Variants in SLCO1B3 observed in about 807,000 individuals in gnomAD.
SLCO1B3 encodes the protein solute carrier organic anion transporter family member 1B3.
Under a neutral mutation model 71.8 loss-of-function variants are expected in SLCO1B3, and 72 were observed. The observed-to-expected ratio is 1.00, with a 90% CI of 0.83 to 1.22. SLCO1B3 has a LOEUF of 1.22. Ranked by LOEUF, SLCO1B3 falls within the 50% of genes most tolerant of loss-of-function variation. The pLI is 0.00. For synonymous variants in SLCO1B3, 298 were observed against 278.4 expected, an observed-to-expected ratio of 1.07 and a Z score of -0.70; for missense variants, 911 against 819.7, an observed-to-expected ratio of 1.11 and a Z score of -1.36.
At chr12:20,901,882 T>G in intron 15 of SLCO1B3, 1 of 437,952 alleles carries the variant, frequency 2.3e-6, no homozygotes, top group Non-Finnish European at 4.5e-6. Context: ...CAAAGTTTCA[T>G]TACTCTTCTA....
chr12:20,914,897 A>C, intron 15 of SLCO1B3, among the ~76,000 whole-genome samples: 1 of 152,128 alleles, frequency 6.6e-6, no homozygotes, highest in South Asian at 2.1e-4. Flanking sequence ...TACTCTATAA[A>C]TAAGGTTTGC....
chr12:20,904,107 G>A (rs1866184443), intron 15 of SLCO1B3, among the ~76,000 whole-genome samples: 1 of 151,958 alleles, frequency 6.6e-6, no homozygotes, highest in Non-Finnish European at 1.5e-5. Context: ...AGGCATTGTA[G>A]TGGGTGCCTG....
intron 13 of SLCO1B3, among the ~76,000 whole-genome samples, chr12:20,886,464 G>A (rs11045583): frequency 0.73 from 110,024 of 151,722 alleles, 42,436 homozygotes; most frequent in South Asian, 0.9. Flanking sequence ...TAGAAGGAGA[G>A]GACACTAAAG....
Position 20,875,215 on chromosome 12 carries a change from CT to C in SLCO1B3, c.728-16del. On this transcript the variant is annotated intron_variant, in intron 8 of 15. Coordinates refer to ENST00000381545, the MANE Select transcript of SLCO1B3 (RefSeq NM_019844.4). Reference sequence around the variant, plus strand: ...TTTCAAAACGATTTTTGACTGGCTTCTTTTAACTGTTTCTCCTAGGCACTAT... The same window carrying C: ...TTTCAAAACGATTTTTGACTGGCTTCTTTAACTGTTTCTCCTAGGCACTAT... 1 of 1,611,656 alleles carries C rather than the reference CT, an allele frequency of 6.2e-7. No homozygotes were observed. Among genetic ancestry groups the C allele is most frequent in the Non-Finnish European group, 8.5e-7 (1 of 1,179,344 alleles).
At chr12:20,821,961 G>T (rs1745850582) in intron 3 of SLCO1B3, among the ~76,000 whole-genome samples, 1 of 152,042 alleles carries the variant, frequency 6.6e-6, no homozygotes, top group Non-Finnish European at 1.5e-5. Context: ...ATTGAAGTGT[G>T]GTGTCAAGAT....
chr12:20,816,329 C>T (rs1425064542), intron 3 of SLCO1B3, among the ~76,000 whole-genome samples: 1 of 152,118 alleles, frequency 6.6e-6, no homozygotes, highest in African/African-American at 2.4e-5. Flanking sequence ...CATAAATCAT[C>T]CCCATCTTCC....
At chr12:20,842,175 T>C (rs1864817212) in intron 3 of SLCO1B3, among the ~76,000 whole-genome samples, 1 of 152,328 alleles carries the variant, frequency 6.6e-6, no homozygotes, top group South Asian at 2.1e-4. Flanking sequence ...ATTACAGGCA[T>C]GAGCCACCAT....
At chr12:20,910,991 A>T (rs1866362598) in intron 15 of SLCO1B3, among the ~76,000 whole-genome samples, 1 of 151,788 alleles carries the variant, frequency 6.6e-6, no homozygotes, top group Admixed American at 6.6e-5. Flanking sequence ...CATGTTGAAA[A>T]TTAATGGTGA....
chr12:20,834,675 G>C (rs924053392), intron 3 of SLCO1B3, among the ~76,000 whole-genome samples: 1 of 151,958 alleles, frequency 6.6e-6, no homozygotes, highest in Non-Finnish European at 1.5e-5. Flanking sequence ...CAAGAGGTGG[G>C]TCCCTCAGTC....
At chr12:20,911,910 A>T (rs570401310) in intron 15 of SLCO1B3, among the ~76,000 whole-genome samples, 1 of 151,978 alleles carries the variant, frequency 6.6e-6, no homozygotes, top group South Asian at 2.1e-4. Context: ...TTCTCCCCTC[A>T]TGTCCCATTT....
intron 3 of SLCO1B3, among the ~76,000 whole-genome samples, chr12:20,837,037 G>C (rs921636156): frequency 6.6e-6 from 1 of 152,152 alleles, no homozygotes; most frequent in Non-Finnish European, 1.5e-5. Flanking sequence ...GTAGGAGTTT[G>C]AGTAGATTGT....
rs538002197 is a variant in SLCO1B3 at position 20,871,840 on chromosome 12, C to T, written c.728-3395C>T. Among the ~76,000 whole-genome samples, 173 of 152,066 alleles carry T rather than the reference C, an allele frequency of 1.1e-3. 2 individuals carry two copies. The highest frequency in any genetic ancestry group is 2.0e-3 in the Non-Finnish European group (135 of 68,002). On this transcript the variant is annotated intron_variant, in intron 8 of 15. Coordinates refer to ENST00000381545, the MANE Select transcript of SLCO1B3 (RefSeq NM_019844.4). ...TCCTGGGTAAGACCTGAAGCCAGCACAGCACTGGGTCTTGCCCAAGGCCCT... is the reference window on the plus strand; with the variant it reads ...TCCTGGGTAAGACCTGAAGCCAGCATAGCACTGGGTCTTGCCCAAGGCCCT...
chr12:20,845,221 A>T (rs917334582), intron 3 of SLCO1B3: 6 of 454,810 alleles, frequency 1.3e-5, no homozygotes, highest in Non-Finnish European at 2.7e-5. Flanking sequence ...TACTGTTAAG[A>T]TGGTCTTGTA....
chr12:20,889,030 A>G (rs1490458261), intron 13 of SLCO1B3, among the ~76,000 whole-genome samples: 1 of 150,150 alleles, frequency 6.7e-6, no homozygotes, highest in Non-Finnish European at 1.5e-5. Context: ...CTTGCATTTC[A>G]GGAAAAAGTC....
intron 1 of SLCO1B3, among the ~76,000 whole-genome samples, chr12:20,811,654 C>A (rs889107271): frequency 8.5e-5 from 13 of 152,182 alleles, no homozygotes; most frequent in South Asian, 4.1e-4. Flanking sequence ...CTGTGAAGAA[C>A]TGACCTGTTC....
At chr12:20,884,884 T>C (rs1591780716) in intron 13 of SLCO1B3, among the ~76,000 whole-genome samples, 1 of 152,158 alleles carries the variant, frequency 6.6e-6, no homozygotes, top group Admixed American at 6.6e-5. Context: ...CAAATTTTCT[T>C]AAATTCATAC....
intron 13 of SLCO1B3, among the ~76,000 whole-genome samples, chr12:20,891,788 T>G (rs1363346942): frequency 6.6e-6 from 1 of 152,102 alleles, no homozygotes; most frequent in African/African-American, 2.4e-5. Flanking sequence ...GCTCTGAAAT[T>G]GTTTATTCTG....
rs184006351 is a variant in SLCO1B3 at position 20,907,654 on chromosome 12, G to A, written c.1865+6187G>A. ...CTCCTGAGCAGCTGGGATTACAGGC[G>A]CCCGCCATTACGGCAGGCTAATTTT... On this transcript the variant is annotated intron_variant, in intron 15 of 15. Coordinates refer to ENST00000381545, the MANE Select transcript of SLCO1B3 (RefSeq NM_019844.4). 2.6e-3 allele frequency among the ~76,000 whole-genome samples: 388 copies of A among 150,714 alleles called. 3 individuals carry two copies. The highest frequency in any genetic ancestry group is 8.8e-3 in the African/African-American group (364 of 41,150).
chr12:20,820,444 G>A (rs370803362), intron 3 of SLCO1B3, among the ~76,000 whole-genome samples: 128 of 152,294 alleles, frequency 8.4e-4, no homozygotes, highest in African/African-American at 3.0e-3. Context: ...TGGCCTGGTG[G>A]TCAGATTTCT....
Sources: allele counts gnomAD v4.1 joint callset (sites outside exome capture counted in the v4.1 genomes callset), GRCh38; gene constraint gnomAD v4.1.1; transcripts MANE v1.5; gene names NCBI Gene and HGNC (gene_info 2026-07-23, HGNC 2026-07-21).